VSTM2A: variants seen among roughly 807,000 people sequenced by gnomAD.
The protein encoded by VSTM2A is V-set and transmembrane domain containing 2A.
A neutral mutation model predicts 27.3 loss-of-function variants in VSTM2A; 13 were observed. The ratio of observed to expected loss-of-function variants is 0.48; its 90% CI spans 0.31 to 0.76. VSTM2A has a LOEUF of 0.76. VSTM2A is among the 30% of genes least tolerant of loss of function. The pLI is 0.05. For synonymous variants in VSTM2A, 142 were observed against 125.7 expected, an observed-to-expected ratio of 1.13 and a Z score of -0.87; for missense variants, 280 against 310.0, an observed-to-expected ratio of 0.90 and a Z score of 0.73.
At position 54,569,366 on chromosome 7, in the gene VSTM2A, T is replaced by C; in HGVS notation, c.*147T>C. ...GATAGAACGTTTTCTAATAGCAAGA[T>C]CTATTTTTTCCCTTTTCTTTCGGCG... is the stretch of plus-strand genomic sequence containing the variant. On this transcript the variant is annotated 3_prime_UTR_variant, in exon 5 of 5. Transcript: ENST00000402613. 2.2e-6 allele frequency: 3 copies of C among 1,379,318 alleles called. No homozygotes were observed. The highest frequency in any genetic ancestry group is 2.9e-6 in the Non-Finnish European group (3 of 1,037,446). The allele number at this position is 1,379,318 out of a possible 1,614,324, so 85.4% of individuals were successfully genotyped here.
At chr7:54,560,737 A>C (rs776751851) in intron 4 of VSTM2A, among the ~76,000 whole-genome samples, 12 of 152,228 alleles carry the variant, frequency 7.9e-5, no homozygotes, top group Non-Finnish European at 1.6e-4. Context: ...TTCTTATTCC[A>C]TGAAGCTGAC....
At chr7:54,560,189 A>G (rs929819104) in intron 4 of VSTM2A, among the ~76,000 whole-genome samples, 1 of 152,112 alleles carries the variant, frequency 6.6e-6, no homozygotes, top group Admixed American at 6.5e-5. Context: ...GTATAATTAT[A>G]GAGTTCAGGA....
chr7:54,548,169 C>G (rs894370135), intron 3 of VSTM2A, among the ~76,000 whole-genome samples: 1 of 152,154 alleles, frequency 6.6e-6, no homozygotes, highest in Admixed American at 6.5e-5. Context: ...TCACCCTTCA[C>G]CCGTCCCCCT....
At chr7:54,554,092 T>C in intron 4 of VSTM2A, 1 of 1,550,928 alleles carries the variant, frequency 6.4e-7, no homozygotes, top group Non-Finnish European at 8.7e-7. Context: ...CCCAGGTCGC[T>C]CGCACTCCCA....
At chr7:54,568,651 C>T (rs1299005818) in intron 4 of VSTM2A, among the ~76,000 whole-genome samples, 1 of 150,350 alleles carries the variant, frequency 6.7e-6, no homozygotes, top group Admixed American at 6.6e-5. Context: ...GATTTATGCT[C>T]ATGCAGTAGG....
At chr7:54,567,587 A>G (rs1174237893) in intron 4 of VSTM2A, among the ~76,000 whole-genome samples, 2 of 152,234 alleles carry the variant, frequency 1.3e-5, no homozygotes, top group African/African-American at 4.8e-5. Context: ...CCAATCTGCA[A>G]TGCCCATGCT....
intron 4 of VSTM2A, chr7:54,558,159 G>A (rs147907454): frequency 1.7e-3 from 261 of 152,198 alleles, no homozygotes; most frequent in African/African-American, 5.9e-3. Context: ...ACAAATTGGT[G>A]TTCATCTTAA....
intron 4 of VSTM2A, among the ~76,000 whole-genome samples, chr7:54,555,210 C>T (rs760000660): frequency 6.6e-6 from 1 of 152,208 alleles, no homozygotes; most frequent in Non-Finnish European, 1.5e-5. Context: ...AACACAGGCC[C>T]TCTTCACTTT....
intron 4 of VSTM2A, among the ~76,000 whole-genome samples, chr7:54,562,020 G>T (rs1274456006): frequency 1.3e-5 from 2 of 152,066 alleles, no homozygotes; most frequent in Non-Finnish European, 2.9e-5. Context: ...CACCTCCCGG[G>T]TTCAAACAGT....
In VSTM2A at chr7:54,565,026, G is replaced by T. The variant is rs552033746; in HGVS notation, c.635-4105G>T. ...ATATCAAGTATGAAGTATGTTATAT[G>T]TGAACTATGGTATATGTGGTACATT... On this transcript the variant is annotated intron_variant, in intron 4 of 4. Coordinates refer to ENST00000402613, the MANE Select transcript of VSTM2A (RefSeq NM_001301009.2). Among the ~76,000 whole-genome samples the T allele has an allele frequency of 2.6e-5, 4 of 152,348 alleles. No individual in the cohort carries two copies. The East Asian group carries it at 7.7e-4, about 29-fold the overall frequency.
chr7:54,553,571 A>G (rs184532827), intron 4 of VSTM2A, among the ~76,000 whole-genome samples: 40 of 152,316 alleles, frequency 2.6e-4, no homozygotes, highest in Admixed American at 2.4e-3. Flanking sequence ...TGTTCTATAG[A>G]TGTTCTGAGA....
Position 54,569,240 on chromosome 7 carries a change from T to C in VSTM2A, c.*21T>C, listed in dbSNP as rs747172737. On this transcript the variant is annotated 3_prime_UTR_variant, in exon 5 of 5. Coordinates refer to ENST00000402613, the MANE Select transcript of VSTM2A (RefSeq NM_001301009.2). ...TCTAATTCACTACACAAGGAGCGCC[T>C]GCTTCCGGAAGCATAAATGAAGAGG... 1 of 1,551,530 alleles carries C rather than the reference T, an allele frequency of 6.4e-7. No individual in the cohort carries two copies. The highest frequency in any genetic ancestry group is 1.2e-5 in the South Asian group (1 of 84,024).
At chr7:54,543,061 TGGTGTGTGTGTGTG>T (rs1160488571) in intron 1 of VSTM2A, among the ~76,000 whole-genome samples, 1 of 151,808 alleles carries the variant, frequency 6.6e-6, no homozygotes, top group Non-Finnish European at 1.5e-5. Flanking sequence ...CAGGGTCGTG[TGGTGTGTGTGTGTG>T]GGTGTGTGTG....
chr7:54,565,016 T>G (rs1373946819), intron 4 of VSTM2A, among the ~76,000 whole-genome samples: 1 of 152,240 alleles, frequency 6.6e-6, no homozygotes, highest in Admixed American at 6.5e-5. Context: ...AAGTATGAAG[T>G]ATGTTATATG....
intron 2 of VSTM2A, 62 bp from the exon 3 acceptor site, chr7:54,546,885 G>A (rs1178085818): frequency 3.1e-6 from 5 of 1,590,172 alleles, no homozygotes; most frequent in Non-Finnish European, 3.4e-6. Flanking sequence ...GGCTATGCTC[G>A]CGTGGGAGCG....
rs200451254 is a variant in VSTM2A at position 54,550,108 on chromosome 7, G to A, written c.572G>A (p.Arg191Gln). 100 of 1,607,486 alleles carry A rather than the reference G, an allele frequency of 6.2e-5. No homozygotes were observed. The highest frequency in any genetic ancestry group is 1.1e-4 in the East Asian group (5 of 44,550). Residue 191 changes from arginine (R) to glutamine (Q), a missense_variant, in exon 4 of 5, where the codon CGA becomes CAA. Arg to Gln is a conservative substitution (Grantham distance 43). Transcript: ENST00000402613. ...AGCATCCATGGCTCTGCCAACCAAC[G>A]AACGCACTCCACCTCCAGCCCTCAA... is the stretch of plus-strand genomic sequence containing the variant. Reference protein sequence around the residue: ...PSSIHGSANQRTHSTSSPQVV... With the variant: ...PSSIHGSANQQTHSTSSPQVV...
chr7:54,566,193 A>G (rs1788718090), intron 4 of VSTM2A, among the ~76,000 whole-genome samples: 1 of 152,252 alleles, frequency 6.6e-6, no homozygotes, highest in South Asian at 2.1e-4. Context: ...AGAAACCTCT[A>G]GGTCCCATTA....
intron 4 of VSTM2A, among the ~76,000 whole-genome samples, chr7:54,554,423 A>G (rs1788287118): frequency 6.6e-6 from 1 of 151,992 alleles, no homozygotes; most frequent in Non-Finnish European, 1.5e-5. Context: ...TGTACTTCTG[A>G]CTCATTTCTG....
chr7:54,555,977 T>C (rs1240453081), intron 4 of VSTM2A, among the ~76,000 whole-genome samples: 1 of 152,156 alleles, frequency 6.6e-6, no homozygotes, highest in Non-Finnish European at 1.5e-5. Context: ...GAACCAGAAA[T>C]AAGTATTCTA....
Sources: gnomAD v4.1 joint callset for allele counts (sites outside exome capture counted in the v4.1 genomes callset) on GRCh38, gnomAD v4.1.1 for gene constraint, MANE v1.5 for transcripts, NCBI Gene and HGNC (gene_info 2026-07-23, HGNC 2026-07-21) for gene names.